MAST4: variants seen among roughly 807,000 people sequenced by gnomAD.
MAST4 encodes the protein microtubule associated serine/threonine kinase family member 4.
Under a neutral mutation model 162.7 loss-of-function variants are expected in MAST4, and 89 were observed. The ratio of observed to expected loss-of-function variants is 0.55; its 90% confidence interval spans 0.46 to 0.65. The LOEUF is 0.65. Ranked by LOEUF, MAST4 falls within the 30% of genes least tolerant of loss-of-function variation. MAST4 has a pLI of 0.00. For missense variants in MAST4, 3,153 were observed against 3,374.0 expected, an observed-to-expected ratio of 0.93 and a Z score of 1.62; for synonymous variants, 1,479 against 1,361.1, an observed-to-expected ratio of 1.09 and a Z score of -1.91.
At chr5:66,972,672 A>T (rs887113269) in intron 4 of MAST4, among the ~76,000 whole-genome samples, 3 of 152,160 alleles carry the variant, frequency 2.0e-5, no homozygotes, top group African/African-American at 7.2e-5. Flanking sequence ...AGATTTGTGT[A>T]GTAGTAGCCT....
At chr5:67,070,295 C>T (rs1395211080) in intron 5 of MAST4, among the ~76,000 whole-genome samples, 1 of 152,148 alleles carries the variant, frequency 6.6e-6, no homozygotes, top group East Asian at 1.9e-4. Context: ...TTCACATAAG[C>T]AGTATCAGTC....
At chr5:66,676,080 T>G (rs530205588) in intron 1 of MAST4, among the ~76,000 whole-genome samples, 81 of 152,170 alleles carry the variant, frequency 5.3e-4, no homozygotes, top group Non-Finnish European at 8.8e-4. Context: ...CAAGAATGCT[T>G]TTTTGGGCAG....
chr5:66,762,405 C>G (rs910350441), intron 2 of MAST4, among the ~76,000 whole-genome samples: 1 of 152,100 alleles, frequency 6.6e-6, no homozygotes, highest in Admixed American at 6.5e-5. Context: ...GCAGCTAGCC[C>G]AGGCAGCTGT....
At chr5:66,869,516 G>A (rs943359064) in intron 3 of MAST4, among the ~76,000 whole-genome samples, 1 of 152,110 alleles carries the variant, frequency 6.6e-6, no homozygotes, top group Non-Finnish European at 1.5e-5. Context: ...TGGCAGGGCG[G>A]TTACTAGGAA....
intron 3 of MAST4, among the ~76,000 whole-genome samples, chr5:66,870,565 C>G (rs113890413): frequency 6.6e-6 from 1 of 151,954 alleles, no homozygotes; most frequent in Non-Finnish European, 1.5e-5. Flanking sequence ...CTTGCACATA[C>G]AAGTTTGTTT....
intron 1 of MAST4, among the ~76,000 whole-genome samples, chr5:66,646,193 A>G (rs1197523347): frequency 6.6e-6 from 1 of 152,174 alleles, no homozygotes; most frequent in Non-Finnish European, 1.5e-5. Context: ...CCATTCAATC[A>G]GATATCAGGA....
At chr5:66,653,778 T>A (rs1310328117) in intron 1 of MAST4, among the ~76,000 whole-genome samples, 5 of 152,198 alleles carry the variant, frequency 3.3e-5, no homozygotes, top group African/African-American at 1.2e-4. Flanking sequence ...ATGGCTACAG[T>A]CATTCATTTG....
chr5:66,878,213 T>A (rs1407319828), intron 3 of MAST4, among the ~76,000 whole-genome samples: 1 of 152,250 alleles, frequency 6.6e-6, no homozygotes, highest in Non-Finnish European at 1.5e-5. Context: ...CTGGTCATTG[T>A]TTAACTCTGT....
intron 1 of MAST4, among the ~76,000 whole-genome samples, chr5:66,685,262 CAAACAAAACAAAACAAAACA>C (rs60672976): frequency 5.3e-4 from 76 of 144,010 alleles, no homozygotes; most frequent in East Asian, 2.0e-3. Flanking sequence ...GACCTTGTCT[CAAACAAAACAAAACAAAACA>C]AAACAAAACA....
At chr5:67,005,662 A>G (rs1404708734) in intron 4 of MAST4, among the ~76,000 whole-genome samples, 1 of 152,194 alleles carries the variant, frequency 6.6e-6, no homozygotes, top group Non-Finnish European at 1.5e-5. Flanking sequence ...CGTATATTTG[A>G]TAGAAAAGAT....
chr5:66,816,203 C>T (rs1756710476), intron 3 of MAST4, among the ~76,000 whole-genome samples: 1 of 152,082 alleles, frequency 6.6e-6, no homozygotes, highest in Admixed American at 6.5e-5. Context: ...TTTCTTGAAA[C>T]ATTATGAGAT....
intron 5 of MAST4, among the ~76,000 whole-genome samples, chr5:67,070,411 T>G (rs1243921771): frequency 6.6e-6 from 1 of 152,206 alleles, no homozygotes; most frequent in Non-Finnish European, 1.5e-5. Context: ...CTTTAACTAT[T>G]TCTGTCACGA....
intron 1 of MAST4, among the ~76,000 whole-genome samples, chr5:66,695,473 G>T (rs1749339649): frequency 6.6e-6 from 1 of 152,034 alleles, no homozygotes; most frequent in African/African-American, 2.4e-5. Context: ...TGTTCTTTTT[G>T]CTTAGGGTTG....
chr5:66,882,433 T>G (rs996282675), intron 3 of MAST4, among the ~76,000 whole-genome samples: 3 of 152,050 alleles, frequency 2.0e-5, no homozygotes, highest in African/African-American at 7.3e-5. Context: ...TTGTTTTTGC[T>G]TTTTTTTCTT....
intron 1 of MAST4, among the ~76,000 whole-genome samples, chr5:66,599,118 A>G (rs147097979): frequency 6.6e-6 from 1 of 152,384 alleles, no homozygotes; most frequent in African/African-American, 2.4e-5. Flanking sequence ...TGAGAATTTT[A>G]AAGTGAAACG....
rs1290523397 is a variant in MAST4, at chr5:67,145,237, G to A, written c.2952G>A (p.Glu984=). ...GLLPKLAIST[E]GEQDEAASCP... is the part of the protein sequence containing the mutation. ...TTCCCAAACTGGCTATTTCAACAGA[G>A]GGAGAGCAAGATGAAGCTGCCTCCT... Residue 984 remains glutamate (E), a synonymous_variant, in exon 23 of 29, where the codon GAG becomes GAA. Coordinates refer to ENST00000403625, the MANE Select transcript of MAST4 (RefSeq NM_001164664.2). 1.2e-6 allele frequency: 2 copies of A among 1,613,768 alleles called. No individual in the cohort carries two copies. The highest frequency in any genetic ancestry group is 1.1e-5 in the South Asian group (1 of 91,002).
Position 67,166,757 on chromosome 5 carries a change from C to G in MAST4, c.7578C>G (p.Val2526=). The change falls in exon 29 of 29, where the codon GTC becomes GTG. Residue 2526 remains valine (V), a synonymous_variant. Transcript: ENST00000403625. ...TKSDSLPSFR[V]STLPLESHHP... is the part of the protein sequence containing the mutation. ...GTGACTCCCTGCCCTCCTTCCGGGT[C>G]TCCACCCTGCCTCTGGAGTCACACC... The G allele has an allele frequency of 1.3e-6, 2 of 1,596,662 alleles. No individual in the cohort carries two copies. Among genetic ancestry groups the G allele is most frequent in the Non-Finnish European group, 1.7e-6 (2 of 1,172,168 alleles).
chr5:66,604,826 AAGGGCCTC>A (rs1359378873), intron 1 of MAST4, among the ~76,000 whole-genome samples: 1 of 152,244 alleles, frequency 6.6e-6, no homozygotes, highest in African/African-American at 2.4e-5. Flanking sequence ...GCAATGCAGG[AAGGGCCTC>A]AGGGCCTCAT....
At chr5:66,860,922 C>G (rs536980771) in intron 3 of MAST4, among the ~76,000 whole-genome samples, 1 of 152,142 alleles carries the variant, frequency 6.6e-6, no homozygotes, top group African/African-American at 2.4e-5. Flanking sequence ...GAAGCACTTT[C>G]ATGATGGAGT....
Sources: allele counts gnomAD v4.1 joint callset (sites outside exome capture counted in the v4.1 genomes callset), GRCh38; gene constraint gnomAD v4.1.1; transcripts MANE v1.5; gene names NCBI Gene and HGNC (gene_info 2026-07-23, HGNC 2026-07-21).